AGTPBP1: variants seen among roughly 807,000 people sequenced by gnomAD.
AGTPBP1 encodes the protein ATP/GTP binding carboxypeptidase 1.
Under a neutral mutation model 143.9 loss-of-function variants are expected in AGTPBP1, and 70 were observed. That is an observed-to-expected ratio of 0.49 (90% confidence interval 0.40 to 0.59). The LOEUF (loss-of-function observed/expected upper bound fraction) is 0.59. Among genes scored for constraint, AGTPBP1 ranks in the 20% least tolerant of loss-of-function variants. The pLI is 0.00. For synonymous variants in AGTPBP1, 463 were observed against 500.2 expected, an observed-to-expected ratio of 0.93 and a Z score of 0.99; for missense variants, 1,229 against 1,464.5, an observed-to-expected ratio of 0.84 and a Z score of 2.62.
intron 9 of AGTPBP1, among the ~76,000 whole-genome samples, chr9:85,659,795 GAATT>G: frequency 6.6e-6 from 1 of 152,086 alleles, no homozygotes; most frequent in South Asian, 2.1e-4. Flanking sequence ...CCCATATTAA[GAATT>G]AATCTTTATA....
intron 13 of AGTPBP1, among the ~76,000 whole-genome samples, chr9:85,636,981 C>T (rs1456494493): frequency 6.6e-6 from 1 of 151,600 alleles, no homozygotes; most frequent in African/African-American, 2.4e-5. Flanking sequence ...TACATACCAC[C>T]CAGCAAGTTC....
the AGTPBP1 span, among the ~76,000 whole-genome samples, chr9:85,784,328 G>C: frequency 6.6e-6 from 1 of 152,308 alleles, no homozygotes; most frequent in South Asian, 2.1e-4. Flanking sequence ...TCCGGAGTGA[G>C]CCTCAGCAAT....
intron 8 of AGTPBP1, among the ~76,000 whole-genome samples, chr9:85,662,814 T>C (rs1323981680): frequency 6.6e-6 from 1 of 152,188 alleles, no homozygotes; most frequent in Non-Finnish European, 1.5e-5. Context: ...TTGAGAAGGC[T>C]ATCTGAACTT....
intron 18 of AGTPBP1, 62 bp from the exon 19 acceptor site, chr9:85,592,766 A>G (rs528145853): frequency 6.4e-7 from 1 of 1,563,524 alleles, no homozygotes; most frequent in African/African-American, 1.4e-5. Context: ...TTTCCTTGTT[A>G]CTTTTATTAA....
At chr9:85,737,047 AGTGAGCAGAGATT>A (rs1823843510) in intron 1 of AGTPBP1, among the ~76,000 whole-genome samples, 1 of 152,256 alleles carries the variant, frequency 6.6e-6, no homozygotes, top group Admixed American at 6.5e-5. Context: ...CGGAGCTTGC[AGTGAGCAGAGATT>A]GCACCACTGC....
chr9:85,656,030 T>C (rs1187660380), intron 10 of AGTPBP1, among the ~76,000 whole-genome samples: 2 of 152,300 alleles, frequency 1.3e-5, no homozygotes, highest in South Asian at 4.1e-4. Context: ...GGTTTCACCA[T>C]GTTAGCCAGG....
chr9:85,742,742 C>T (rs1824447733), upstream of AGTPBP1, among the ~76,000 whole-genome samples: 1 of 152,146 alleles, frequency 6.6e-6, no homozygotes, highest in South Asian at 2.1e-4. Context: ...CTAATACACC[C>T]CCTTCTGTTT....
chr9:85,636,377 C>T (rs1405363931), intron 13 of AGTPBP1, among the ~76,000 whole-genome samples: 2 of 151,464 alleles, frequency 1.3e-5, no homozygotes, highest in Non-Finnish European at 2.9e-5. Context: ...TTCTCTCTGC[C>T]TTAGCTTCCC....
In AGTPBP1 at chr9:85,641,012, C is replaced by T. The variant is rs533330652; in HGVS notation, c.1302+1815G>A. On this transcript the variant is annotated intron_variant, in intron 13 of 25. Coordinates refer to ENST00000357081, the MANE Select transcript of AGTPBP1 (RefSeq NM_001330701.2). ...ATTCTGAGTAGCATACCACCATGGTCCATCCCACCCAGGACATGACTCTTC... is the reference window on the plus strand; with the variant it reads ...ATTCTGAGTAGCATACCACCATGGTTCATCCCACCCAGGACATGACTCTTC... 1.1e-4 allele frequency among the ~76,000 whole-genome samples: 16 copies of T among 152,248 alleles called. 1 individual carries two copies. In the South Asian group the frequency reaches 1.9e-3, roughly 18 times the overall value.
At chr9:85,662,202 G>A (rs1290248297) in intron 8 of AGTPBP1, among the ~76,000 whole-genome samples, 1 of 152,126 alleles carries the variant, frequency 6.6e-6, no homozygotes, top group African/African-American at 2.4e-5. Flanking sequence ...AACAATAATC[G>A]AGGACTAGGC....
intron 23 of AGTPBP1, among the ~76,000 whole-genome samples, chr9:85,579,332 G>A (rs62566892): frequency 0.017 from 2,562 of 151,810 alleles, 30 homozygotes; most frequent in Middle Eastern, 0.054. Context: ...TCGTATTCAC[G>A]GTATAACCAA....
the AGTPBP1 span, among the ~76,000 whole-genome samples, chr9:85,768,909 C>T: frequency 2.0e-5 from 3 of 151,048 alleles, no homozygotes; most frequent in South Asian, 2.1e-4. Flanking sequence ...ATTAGCTAGG[C>T]GTGGTGGCAT....
chr9:85,588,924 G>A (rs759739454), intron 20 of AGTPBP1, among the ~76,000 whole-genome samples: 4 of 152,090 alleles, frequency 2.6e-5, no homozygotes, highest in Non-Finnish European at 5.9e-5. Context: ...TATCTGCTCA[G>A]AGATTTAGCC....
intron 13 of AGTPBP1, among the ~76,000 whole-genome samples, chr9:85,642,363 T>G (rs1221084866): frequency 6.6e-6 from 1 of 151,426 alleles, no homozygotes; most frequent in African/African-American, 2.4e-5. Context: ...GGAGTCTTGC[T>G]CTGTCACCAG....
rs746274417 is a variant in AGTPBP1, at chr9:85,575,400, G to A, written c.3418C>T (p.Leu1140=). ...AGATTATACTCCAATGGAGAGGTCA[G>A]TCTTTTCAAACGTAAAAGACCAACA... The part of the protein sequence containing the change: ...FCVGLLRLKR[L]TSPLEYNLPS... The change falls in exon 25 of 26, where the codon CTG becomes TTG. Residue 1140 remains leucine, a synonymous_variant. Coordinates refer to ENST00000357081, the MANE Select transcript of AGTPBP1 (RefSeq NM_001330701.2). 1.6e-5 allele frequency: 25 copies of A among 1,611,234 alleles called. No homozygotes were observed. Among genetic ancestry groups the A allele is most frequent in the Non-Finnish European group, 2.1e-5 (25 of 1,179,272 alleles).
chr9:85,623,286 A>T (rs961988477), intron 14 of AGTPBP1, among the ~76,000 whole-genome samples: 127 of 132,466 alleles, frequency 9.6e-4, no homozygotes, highest in Middle Eastern at 3.6e-3. Context: ...CAATTGGTTT[A>T]AAAAAAAAAA....
the AGTPBP1 span, among the ~76,000 whole-genome samples, chr9:85,754,443 A>C: frequency 1.7e-4 from 26 of 152,284 alleles, no homozygotes; most frequent in East Asian, 3.5e-3. Context: ...TGGCTTCCCA[A>C]AGTGCTGGGA....
intron 25 of AGTPBP1, among the ~76,000 whole-genome samples, chr9:85,562,915 C>A (rs1465459042): frequency 6.6e-6 from 1 of 152,092 alleles, no homozygotes; most frequent in Non-Finnish European, 1.5e-5. Context: ...GTCACAACAG[C>A]AGAGCCCTCT....
chr9:85,673,161 G>A (rs1010266723), intron 6 of AGTPBP1, among the ~76,000 whole-genome samples: 24 of 151,724 alleles, frequency 1.6e-4, no homozygotes, highest in African/African-American at 5.1e-4. Flanking sequence ...ATCCTTTTTT[G>A]TATTATTTTT....
Sources: gnomAD v4.1 joint callset for allele counts (sites outside exome capture counted in the v4.1 genomes callset) on GRCh38, gnomAD v4.1.1 for gene constraint, MANE v1.5 for transcripts, NCBI Gene and HGNC (gene_info 2026-07-23, HGNC 2026-07-21) for gene names.